The following NELL1 variants were observed in gnomAD, a reference collection of about 807,000 sequenced individuals.
NELL1 encodes protein kinase C-binding protein NELL1.
A neutral mutation model predicts 107.4 loss-of-function variants in NELL1; 76 were observed. That is an observed-to-expected ratio of 0.71 (90% CI 0.59 to 0.86). NELL1 has a LOEUF of 0.86. Among genes scored for constraint, NELL1 ranks in the 40% least tolerant of loss-of-function variants. The pLI is 0.00. For synonymous variants in NELL1, 353 were observed against 341.2 expected, an observed-to-expected ratio of 1.03 and a Z score of -0.38; for missense variants, 1,024 against 1,005.5, an observed-to-expected ratio of 1.02 and a Z score of -0.25.
At chr11:20,798,205 G>C (rs16906806) in intron 3 of NELL1, among the ~76,000 whole-genome samples, 12,791 of 152,242 alleles carry the variant, frequency 0.084, 575 homozygotes, top group Middle Eastern at 0.18. Context: ...CAGAAAATGA[G>C]GATGTTTTCT....
At position 21,032,131 on chromosome 11, in the gene NELL1, T is replaced by C. The variant is rs145319510; in HGVS notation, c.1300+71571T>C. Among the ~76,000 whole-genome samples, 21 of 151,456 alleles carry C rather than the reference T, an allele frequency of 1.4e-4. No individual in the cohort carries two copies. In the East Asian group the frequency reaches 4.1e-3, roughly 29 times the overall value. On this transcript the variant is annotated intron_variant, in intron 12 of 19. Transcript: ENST00000357134. ...AAACAATCCGTGTGGCTACCATCTA[T>C]TTTAAGAAATACCTCTTTATGTGTT...
In NELL1 at chr11:20,715,064, A is replaced by G. The variant is rs538430502; in HGVS notation, c.184+37004A>G. On this transcript the variant is annotated intron_variant, in intron 2 of 19. Transcript: ENST00000357134. The stretch of plus-strand genomic sequence containing the variant: ...CGAGACCATCCTGGCTAACATGGTG[A>G]AACCCCGTCTCTACTAAAAATAAAA... Among the ~76,000 whole-genome samples the G allele has an allele frequency of 5.9e-5, 9 of 152,142 alleles. No individual in the cohort carries two copies. The South Asian group carries it at 1.0e-3, about 18-fold the overall frequency.
chr11:21,508,383 A>T (rs1354506283), intron 15 of NELL1, among the ~76,000 whole-genome samples: 1 of 152,206 alleles, frequency 6.6e-6, no homozygotes, highest in Non-Finnish European at 1.5e-5. Context: ...GTACTCACCT[A>T]CACATAGCTA....
chr11:20,942,990 A>C (rs933418602), intron 10 of NELL1, among the ~76,000 whole-genome samples: 2 of 152,102 alleles, frequency 1.3e-5, no homozygotes, highest in Non-Finnish European at 2.9e-5. Context: ...AGCTTATTTA[A>C]ATATCACTTA....
chr11:20,904,480 A>G (rs1436680712), intron 5 of NELL1, among the ~76,000 whole-genome samples: 1 of 152,194 alleles, frequency 6.6e-6, no homozygotes, highest in Admixed American at 6.5e-5. Context: ...GGGGCCAAAG[A>G]GTATGGTTGA....
At chr11:21,453,591 A>G (rs1241424436) in intron 15 of NELL1, among the ~76,000 whole-genome samples, 3 of 151,920 alleles carry the variant, frequency 2.0e-5, no homozygotes, top group East Asian at 1.9e-4. Context: ...CTCACAATCT[A>G]GGCCTTTTAA....
intron 14 of NELL1, among the ~76,000 whole-genome samples, chr11:21,299,509 ATATGTGTGTGTGTGTGTG>A (rs1849447189): frequency 9.4e-6 from 1 of 106,568 alleles, no homozygotes; most frequent in Non-Finnish European, 1.9e-5. Flanking sequence ...TTATTGTCTT[ATATGTGTGTGTGTGTGTG>A]TGTGTGTGTG....
chr11:21,343,055 T>TAA (rs993316849), intron 14 of NELL1, among the ~76,000 whole-genome samples: 6 of 152,208 alleles, frequency 3.9e-5, no homozygotes, highest in South Asian at 2.1e-4. Context: ...AACTGCCTCC[T>TAA]AAGTCTAACA....
intron 12 of NELL1, among the ~76,000 whole-genome samples, chr11:21,041,896 T>G (rs979584772): frequency 6.6e-6 from 1 of 152,220 alleles, no homozygotes; most frequent in African/African-American, 2.4e-5. Context: ...TGAAGTGAAG[T>G]CAGCACTGGC....
intron 12 of NELL1, among the ~76,000 whole-genome samples, chr11:21,046,184 CAATTT>C (rs1446714317): frequency 4.6e-5 from 7 of 152,208 alleles, no homozygotes; most frequent in Middle Eastern, 6.8e-3. Flanking sequence ...AGCAACCTGA[CAATTT>C]AAATTATTTT....
intron 14 of NELL1, among the ~76,000 whole-genome samples, chr11:21,253,888 C>T (rs181458307): frequency 6.6e-6 from 1 of 152,174 alleles, no homozygotes; most frequent in African/African-American, 2.4e-5. Flanking sequence ...TGTGGATATA[C>T]TCCAATGGAG....
At chr11:21,306,057 T>G (rs1849598807) in intron 14 of NELL1, among the ~76,000 whole-genome samples, 1 of 151,972 alleles carries the variant, frequency 6.6e-6, no homozygotes, top group Admixed American at 6.6e-5. Context: ...AGATTAGTAT[T>G]ACTGAGGTTG....
chr11:21,464,990 G>T (rs189042704), intron 15 of NELL1, among the ~76,000 whole-genome samples: 1 of 152,110 alleles, frequency 6.6e-6, no homozygotes, highest in Non-Finnish European at 1.5e-5. Flanking sequence ...ACAAAACTTT[G>T]AAAGGCAGGT....
chr11:21,056,800 A>C (rs1237645070), intron 12 of NELL1, among the ~76,000 whole-genome samples: 1 of 152,124 alleles, frequency 6.6e-6, no homozygotes, highest in Non-Finnish European at 1.5e-5. Flanking sequence ...AGAACATGAA[A>C]GTATATTAGA....
intron 5 of NELL1, among the ~76,000 whole-genome samples, chr11:20,885,960 AC>A (rs938659589): frequency 6.6e-5 from 10 of 152,370 alleles, no homozygotes; most frequent in African/African-American, 2.4e-4. Context: ...TATGAAAAAT[AC>A]ATCTCTGCTT....
chr11:20,896,771 G>C (rs1463681472), intron 5 of NELL1, among the ~76,000 whole-genome samples: 1 of 152,068 alleles, frequency 6.6e-6, no homozygotes, highest in African/African-American at 2.4e-5. Context: ...ACCAATAACA[G>C]ACAAACAGAG....
At chr11:20,871,311 G>T (rs899272745) in intron 4 of NELL1, among the ~76,000 whole-genome samples, 3 of 152,120 alleles carry the variant, frequency 2.0e-5, no homozygotes, top group Non-Finnish European at 4.4e-5. Context: ...AGTGTATCTG[G>T]CTGGGACACA....
intron 14 of NELL1, among the ~76,000 whole-genome samples, chr11:21,308,332 C>G (rs368760566): frequency 5.3e-5 from 8 of 151,966 alleles, no homozygotes; most frequent in African/African-American, 1.7e-4. Flanking sequence ...ATCAAGGAAG[C>G]AAGCTGCTGA....
intron 3 of NELL1, among the ~76,000 whole-genome samples, chr11:20,805,098 T>A (rs530394466): frequency 6.6e-6 from 1 of 152,350 alleles, no homozygotes; most frequent in Admixed American, 6.5e-5. Flanking sequence ...GCTCCTGTTC[T>A]TTTCTGGTTT....
Sources: allele counts gnomAD v4.1 joint callset (sites outside exome capture counted in the v4.1 genomes callset), GRCh38; gene constraint gnomAD v4.1.1; transcripts MANE v1.5; gene names NCBI Gene and HGNC (gene_info 2026-07-23, HGNC 2026-07-21).